The following HVCN1 variants were observed in gnomAD, a reference collection of about 807,000 sequenced individuals.
The protein encoded by HVCN1 is voltage-gated hydrogen channel 1.
In HVCN1, 14 loss-of-function variants were observed where a neutral mutation model predicts 29.2. That is an observed-to-expected ratio of 0.48 (90% CI 0.32 to 0.75). The LOEUF (loss-of-function observed/expected upper bound fraction) is 0.75, where lower values mean the gene tolerates loss of function less well. Ranked by LOEUF, HVCN1 falls within the 30% of genes least tolerant of loss-of-function variation. The pLI is 0.04. For missense variants in HVCN1, 263 were observed against 341.8 expected, an observed-to-expected ratio of 0.77 and a Z score of 1.82; for synonymous variants, 131 against 133.2, an observed-to-expected ratio of 0.98 and a Z score of 0.11.
rs570801385 is a variant in HVCN1 at position 110,697,649 on chromosome 12, CT to C, written c.-104+4659del. Among the ~76,000 whole-genome samples the C allele has an allele frequency of 9.7e-3, 1,306 of 134,156 alleles. 4 individuals carry two copies. Among genetic ancestry groups the C allele is most frequent in the Admixed American group, 0.012 (164 of 13,264 alleles). 88.0% of individuals were successfully genotyped at this position (134,156 alleles called of 152,430 possible). A position where few individuals can be genotyped will look rare whatever the true frequency, so the allele number is the denominator to read the frequency against. ...ATATGCCACTCACAGCGCGAAGCAT[CT>C]TTTTTTTTTTTTTTTTTTGAGATGG... is the stretch of plus-strand genomic sequence containing the variant. On this transcript the variant is annotated intron_variant, in intron 2 of 4. Transcript: ENST00000546713.
At position 110,701,187 on chromosome 12, in the gene HVCN1, A is replaced by T. The variant is rs182639134; in HGVS notation, c.-104+1122T>A. Among the ~76,000 whole-genome samples, 4 of 152,322 alleles carry T rather than the reference A, an allele frequency of 2.6e-5. No individual in the cohort carries two copies. In the East Asian group the frequency reaches 7.7e-4, roughly 29 times the overall value. Reference sequence around the variant, plus strand: ...AGCAGATTCCCTCTGCGCTACGGCCAGTTTGTTTCTGTCACTTTCACCTGA... The same window carrying T: ...AGCAGATTCCCTCTGCGCTACGGCCTGTTTGTTTCTGTCACTTTCACCTGA... On this transcript the variant is annotated intron_variant, in intron 2 of 4. Transcript: ENST00000546713.
At chr12:110,680,951 G>C (rs560377737) in intron 3 of HVCN1, among the ~76,000 whole-genome samples, 1 of 152,186 alleles carries the variant, frequency 6.6e-6, no homozygotes, top group African/African-American at 2.4e-5. Flanking sequence ...ACAAAAAAAG[G>C]CAGCAGACAA....
chr12:110,662,257 C>G (rs2068202663), intron 3 of HVCN1, among the ~76,000 whole-genome samples: 1 of 152,160 alleles, frequency 6.6e-6, no homozygotes, highest in Admixed American at 6.6e-5. Flanking sequence ...CATTCCCCAC[C>G]TTGCCCCCCA....
chr12:110,676,761 C>G lies in HVCN1; in HGVS notation c.21+6464G>C, dbSNP rs2068762955. On this transcript the variant is annotated intron_variant, in intron 3 of 7. Coordinates refer to ENST00000242607, the MANE Select transcript of HVCN1 (RefSeq NM_032369.4). This position sits in a 1 kb window ranked among gnomAD's most constrained non-coding sequence, Gnocchi z 4.1. ...GTGCCAGGTTTTTTCTGAACTTCAC[C>G]CCACGTGCCTTTTCCCTTTACTGAT... 6.6e-6 allele frequency among the ~76,000 whole-genome samples: 1 copy of G among 152,236 alleles called. No homozygotes were observed. The highest frequency in any genetic ancestry group is 2.1e-4 in the South Asian group (1 of 4,820).
Position 110,661,401 on chromosome 12 carries a change from C to T in HVCN1, c.69G>A (p.Lys23=), listed in dbSNP as rs968647970. 6.2e-7 allele frequency: 1 copy of T among 1,614,244 alleles called. No homozygotes were observed. Among genetic ancestry groups the T allele is most frequent in the East Asian group, 2.2e-5 (1 of 44,890 alleles). Residue 23 remains lysine, a synonymous_variant, in exon 4 of 8, where the codon AAG becomes AAA. Coordinates refer to ENST00000242607, the MANE Select transcript of HVCN1 (RefSeq NM_032369.4). The surrounding 1 kb of genome is among the most constrained non-coding windows in gnomAD (Gnocchi z 6.2). ...AKVAPAERMS[K]FLRHFTVVGD... ...CCACGACCGTGAAGTGCCTTAAGAA[C>T]TTGCTCATCCTCTCAGCGGGAGCCA...
chr12:110,687,298 G>C (rs555708847), intron 2 of HVCN1, among the ~76,000 whole-genome samples: 1 of 149,816 alleles, frequency 6.7e-6, no homozygotes, highest in African/African-American at 2.5e-5. Context: ...CAGCCAGCCA[G>C]AGTAAGGGGC....
chr12:110,653,820 C>T (rs1343765044), intron 5 of HVCN1, among the ~76,000 whole-genome samples: 2 of 151,860 alleles, frequency 1.3e-5, no homozygotes, highest in Non-Finnish European at 2.9e-5. Context: ...CCAGCCTGGG[C>T]GATAGAGACT....
rs1433613871 is a variant in HVCN1, at chr12:110,658,003, A to T, written c.307-2665T>A. Among the ~76,000 whole-genome samples the T allele has an allele frequency of 2.6e-5, 4 of 152,160 alleles. No individual in the cohort carries two copies. Among genetic ancestry groups the T allele is most frequent in the Non-Finnish European group, 5.9e-5 (4 of 68,036 alleles). ...GGGTGGGCCACATTTTCTACCCCAG[A>T]GCAACAATGGGAGCATGACGTGAGT... On this transcript the variant is annotated intron_variant, in intron 4 of 7. Coordinates refer to ENST00000242607, the MANE Select transcript of HVCN1 (RefSeq NM_032369.4). This position sits in a 1 kb window ranked among gnomAD's most constrained non-coding sequence, Gnocchi z 5.0.
At position 110,694,971 on chromosome 12, in the gene HVCN1, C is replaced by T. The variant is rs547227714; in HGVS notation, c.-103-6263G>A. ...CCCGCTGGGTGATCTGTCATCAATT[C>T]AGCAAAGAGTTTCTGAGTGCCAACT... On this transcript the variant is annotated intron_variant, in intron 2 of 4. Coordinates refer to the HVCN1 transcript ENST00000546713. This position sits in a 1 kb window ranked among gnomAD's most constrained non-coding sequence, Gnocchi z 4.6. Among the ~76,000 whole-genome samples, 1 of 152,224 alleles carries T rather than the reference C, an allele frequency of 6.6e-6. No homozygotes were observed. The highest frequency in any genetic ancestry group is 2.1e-4 in the South Asian group (1 of 4,830).
At chr12:110,689,914 GTCTTC>G (rs2069365710), upstream of HVCN1, 1 of 152,370 alleles carries the variant, frequency 6.6e-6, no homozygotes, top group African/African-American at 2.4e-5. This position sits in a 1 kb window ranked among gnomAD's most constrained non-coding sequence, Gnocchi z 5.7. Flanking sequence ...CTGCAAAGCC[GTCTTC>G]TGCACACCTC....
At chr12:110,686,001 A>AT (rs554904421) in intron 2 of HVCN1, among the ~76,000 whole-genome samples, 78 of 148,764 alleles carry the variant, frequency 5.2e-4, no homozygotes, top group African/African-American at 1.5e-3. Context: ...AACTTCTATA[A>AT]TTTTTTTTTT....
Position 110,683,238 on chromosome 12 carries a change from G to A in HVCN1, c.8C>T (p.Thr3Ile). The change falls in exon 3 of 8, where the codon ACC becomes ATC. Residue 3 changes from threonine (T) to isoleucine (I), a missense_variant. Thr to Ile is a moderately conservative substitution (Grantham distance 89, BLOSUM62 -1). Around this residue, in one of 3 missense-constraint regions of HVCN1, gnomAD observed 157 missense variants for 181.3 expected, o/e 0.87. Transcript: ENST00000242607. MA[T>I]WDEKAVTRRA... ...AGAATCCATTACCTTTTCGTCCCAG[G>A]TGGCCATGTCCCTGTTGCCTCTGGA... is the stretch of plus-strand genomic sequence containing the variant. 1 of 1,611,890 alleles carries A rather than the reference G, an allele frequency of 6.2e-7. No homozygotes were observed. Among genetic ancestry groups the A allele is most frequent in the Non-Finnish European group, 8.5e-7 (1 of 1,179,348 alleles).
intron 3 of HVCN1, among the ~76,000 whole-genome samples, chr12:110,675,493 A>G (rs1475397707): frequency 1.3e-5 from 2 of 152,180 alleles, no homozygotes; most frequent in Non-Finnish European, 2.9e-5. Context: ...AAATAAAATC[A>G]TAAGTAAGTG....
At chr12:110,667,279 C>A (rs913320694) in intron 3 of HVCN1, among the ~76,000 whole-genome samples, 3 of 152,148 alleles carry the variant, frequency 2.0e-5, no homozygotes, top group African/African-American at 7.2e-5. Flanking sequence ...GGATTACAGG[C>A]GCTGCCAACA....
At chr12:110,679,678 C>T (rs1312629877) in intron 3 of HVCN1, among the ~76,000 whole-genome samples, 2 of 152,012 alleles carry the variant, frequency 1.3e-5, no homozygotes, top group African/African-American at 2.4e-5. Flanking sequence ...AAGGTGAAAC[C>T]CCATCTCTAC....
intron 4 of HVCN1, among the ~76,000 whole-genome samples, chr12:110,656,946 A>G (rs2068009717): frequency 6.6e-6 from 1 of 152,198 alleles, no homozygotes; most frequent in East Asian, 1.9e-4. Context: ...ATGTGAGGTA[A>G]AACCAAGTCA....
intron 5 of HVCN1, among the ~76,000 whole-genome samples, chr12:110,652,467 A>G (rs1375845378): frequency 1.3e-5 from 2 of 152,204 alleles, no homozygotes; most frequent in Non-Finnish European, 2.9e-5. Context: ...GGGAGGTACA[A>G]TGTGGGCAAG....
chr12:110,685,994 T>G (rs570463063), intron 2 of HVCN1, among the ~76,000 whole-genome samples: 1 of 152,022 alleles, frequency 6.6e-6, no homozygotes, highest in African/African-American at 2.4e-5. Flanking sequence ...TCTATGTAAC[T>G]TCTATAATTT....
At chr12:110,655,856 C>T (rs1458437847) in intron 4 of HVCN1, among the ~76,000 whole-genome samples, 1 of 152,166 alleles carries the variant, frequency 6.6e-6, no homozygotes, top group Non-Finnish European at 1.5e-5. Flanking sequence ...AGGCACGTAC[C>T]ACCATGCCTG....
Sources: gnomAD v4.1 joint callset for allele counts (sites outside exome capture counted in the v4.1 genomes callset) on GRCh38, gnomAD v4.1.1 for gene constraint, gnomAD v4.1.1 regional missense constraint, Gnocchi (gnomAD v3.1) non-coding constraint, MANE v1.5 for transcripts, NCBI Gene and HGNC (gene_info 2026-07-23, HGNC 2026-07-21) for gene names.